RUNX3: variants seen among roughly 807,000 people sequenced by gnomAD.
The protein encoded by RUNX3 is runt-related transcription factor 3.
Under a neutral mutation model 27.7 loss-of-function variants are expected in RUNX3, and 10 were observed. The observed-to-expected ratio is 0.36, with a 90% CI of 0.22 to 0.61. RUNX3 has a LOEUF of 0.61. Among genes scored for constraint, RUNX3 ranks in the 20% least tolerant of loss-of-function variants. The pLI, the probability that RUNX3 is intolerant of heterozygous loss-of-function variation, is 0.72. For missense variants in RUNX3, 469 were observed against 629.5 expected, an observed-to-expected ratio of 0.75 and a Z score of 2.73; for synonymous variants, 270 against 269.2, an observed-to-expected ratio of 1.00 and a Z score of -0.03.
chr1:24,956,996 C>G (rs546747065), intron 2 of RUNX3, among the ~76,000 whole-genome samples: 11 of 152,330 alleles, frequency 7.2e-5, no homozygotes, highest in South Asian at 6.2e-4. Flanking sequence ...AGCTCCCCCC[C>G]ACAGGGACTG....
At chr1:24,955,832 A>G (rs1221356511) in intron 2 of RUNX3, among the ~76,000 whole-genome samples, 5 of 152,360 alleles carry the variant, frequency 3.3e-5, no homozygotes, top group African/African-American at 1.2e-4. Flanking sequence ...GGGAGAAGGC[A>G]TCTTTGTCCA....
chr1:24,956,491 A>T (rs921145744), intron 2 of RUNX3, among the ~76,000 whole-genome samples: 1 of 152,168 alleles, frequency 6.6e-6, no homozygotes, highest in African/African-American at 2.4e-5. Context: ...GGGAAGGGAT[A>T]TAGCTGCTCT....
chr1:24,925,365 C>T (rs531487379), intron 2 of RUNX3, among the ~76,000 whole-genome samples: 14 of 151,740 alleles, frequency 9.2e-5, no homozygotes, highest in South Asian at 4.2e-4. Context: ...TGGCTGTCAC[C>T]GCTCAAAGGG....
chr1:24,949,276 G>C (rs1340435827), intron 2 of RUNX3, among the ~76,000 whole-genome samples: 1 of 152,046 alleles, frequency 6.6e-6, no homozygotes, highest in Non-Finnish European at 1.5e-5. Context: ...TCCCCCTCAG[G>C]GTGTAAGAAG....
In RUNX3 at chr1:24,901,926, T is replaced by G; in HGVS notation, c.*196A>C. On this transcript the variant is annotated 3_prime_UTR_variant, in exon 5 of 5. Coordinates refer to ENST00000308873, the MANE Select transcript of RUNX3 (RefSeq NM_004350.3). ...GCAGTATCCCGGGCCGGGGTGGGGGTGGTAACCTATGCCTCTGTACAAGGA... is the reference window on the plus strand; with the variant it reads ...GCAGTATCCCGGGCCGGGGTGGGGGGGGTAACCTATGCCTCTGTACAAGGA... The G allele has an allele frequency of 5.8e-6, 3 of 516,404 alleles. No homozygotes were observed. Among genetic ancestry groups the G allele is most frequent in the South Asian group, 3.5e-5 (1 of 28,730 alleles). The allele number at this position is 516,404 out of a possible 1,614,324, so 32.0% of individuals were successfully genotyped here.
rs199604925 is a variant in RUNX3, at chr1:24,927,572, A to T, written c.439+2T>A. The stretch of plus-strand genomic sequence containing the variant: ...AAATGGCGAGGCCTCCCTTCCACTT[A>T]CCTCGCCCACTGCGGCCCACGAAGC... On this transcript the variant is annotated splice_donor_variant, in intron 2 of 4. Coordinates refer to ENST00000308873, the MANE Select transcript of RUNX3 (RefSeq NM_004350.3). LOFTEE classifies it high-confidence loss of function. This position sits in a 1 kb window ranked among gnomAD's most constrained non-coding sequence, Gnocchi z 5.0. 1 of 1,613,608 alleles carries T rather than the reference A, an allele frequency of 6.2e-7. No individual in the cohort carries two copies. The highest frequency in any genetic ancestry group is 1.7e-5 in the Admixed American group (1 of 59,992).
At position 24,930,276 on chromosome 1, in the gene RUNX3, C is replaced by T. The variant is rs1242547582; in HGVS notation, c.-408G>A. 6.1e-6 allele frequency: 6 copies of T among 981,832 alleles called. No homozygotes were observed. The highest frequency in any genetic ancestry group is 5.3e-5 in the African/African-American group (3 of 57,012). 60.8% of individuals were successfully genotyped at this position (981,832 alleles called of 1,614,324 possible). A position where few individuals can be genotyped will look rare whatever the true frequency, so the allele number is the denominator to read the frequency against. ...GAACAAATCCTCCAGAATCAAGTGG[C>T]GGGGCCGCGGCCGCCCGCGCGGGGT... On this transcript the variant is annotated 5_prime_UTR_variant, in exon 1 of 5. Coordinates refer to ENST00000308873, the MANE Select transcript of RUNX3 (RefSeq NM_004350.3). The surrounding 1 kb of genome is among the most constrained non-coding windows in gnomAD (Gnocchi z 4.1).
At chr1:24,920,853 TCTGGG>T (rs1640984942) in intron 2 of RUNX3, among the ~76,000 whole-genome samples, 1 of 152,222 alleles carries the variant, frequency 6.6e-6, no homozygotes, top group African/African-American at 2.4e-5. Flanking sequence ...CTCTGATGTG[TCTGGG>T]AGTTTGGGGG....
At chr1:24,951,590 C>T (rs1402691491) in intron 2 of RUNX3, among the ~76,000 whole-genome samples, 1 of 152,192 alleles carries the variant, frequency 6.6e-6, no homozygotes, top group Non-Finnish European at 1.5e-5. Flanking sequence ...TCGCTCCAGC[C>T]TCTCTAGGTT....
rs1416238774 is a variant in RUNX3, at chr1:24,902,605, C to T, written c.765G>A (p.Leu255=). ...GGAAGCGGCTCTCCGTGAGGGTTGG[C>T]AGCGTGGGGAAGGAGCGGTCAAACT... is the stretch of plus-strand genomic sequence containing the variant. ...PRQFDRSFPT[L]PTLTESRFPD... is the part of the protein sequence containing the mutation. The change falls in exon 5 of 5, where the codon CTG becomes CTA. Residue 255 remains leucine, a synonymous_variant. Transcript: ENST00000308873. This position sits in a 1 kb window ranked among gnomAD's most constrained non-coding sequence, Gnocchi z 9.2. The T allele has an allele frequency of 7.1e-6, 11 of 1,544,238 alleles. No homozygotes were observed. In the Admixed American group the frequency reaches 1.9e-4, roughly 27 times the overall value.
intron 2 of RUNX3, among the ~76,000 whole-genome samples, chr1:24,940,934 TC>T (rs1382935382): frequency 6.6e-6 from 1 of 152,152 alleles, no homozygotes; most frequent in Non-Finnish European, 1.5e-5. Context: ...TATACATTCT[TC>T]TGTACATGTA....
chr1:24,951,143 T>C (rs528727489), intron 2 of RUNX3, among the ~76,000 whole-genome samples: 1 of 142,734 alleles, frequency 7.0e-6, no homozygotes, highest in South Asian at 2.2e-4. Context: ...GAGTTGGAGG[T>C]TGCAGTGAGC....
upstream of RUNX3, among the ~76,000 whole-genome samples, chr1:24,932,088 C>T (rs1280318358): frequency 6.6e-6 from 1 of 152,222 alleles, no homozygotes; most frequent in Non-Finnish European, 1.5e-5. Context: ...GGGACCATGA[C>T]CCGCTGTTTC....
Position 24,902,329 on chromosome 1 carries a change from G to A in RUNX3, c.1041C>T (p.Ala347=), listed in dbSNP as rs1020269964. ...AGCGGTCGCCCCCACTGCTGCTGCC[G>A]GCCACCATGGAGAACTGGTAGGAGC... ...SSGSYQFSMV[A]GSSSGGDRSP... is the part of the protein sequence containing the mutation. Residue 347 remains alanine, a synonymous_variant, in exon 5 of 5, where the codon GCC becomes GCT. Transcript: ENST00000308873. The surrounding 1 kb of genome is among the most constrained non-coding windows in gnomAD (Gnocchi z 9.2). 14 of 1,610,324 alleles carry A rather than the reference G, an allele frequency of 8.7e-6. No individual in the cohort carries two copies. The East Asian group carries it at 8.9e-5, about 10-fold the overall frequency.
At chr1:24,908,090 C>T (rs1260615849) in intron 3 of RUNX3, among the ~76,000 whole-genome samples, 4 of 151,462 alleles carry the variant, frequency 2.6e-5, no homozygotes, top group South Asian at 4.2e-4. Context: ...CTACGACACG[C>T]GGTGATCCGA....
intron 3 of RUNX3, among the ~76,000 whole-genome samples, chr1:24,917,856 C>T (rs1212158858): frequency 6.6e-6 from 1 of 152,166 alleles, no homozygotes; most frequent in Non-Finnish European, 1.5e-5. Context: ...CCTTGAGACT[C>T]CTGGAGTCAC....
intron 2 of RUNX3, among the ~76,000 whole-genome samples, chr1:24,921,985 C>T (rs1641008733): frequency 6.6e-6 from 1 of 152,156 alleles, no homozygotes; most frequent in Non-Finnish European, 1.5e-5. Context: ...AGGTCTTGCT[C>T]TGTCACCCAG....
Position 24,908,829 on chromosome 1 carries a change from G to T in RUNX3, c.545-1412C>A, listed in dbSNP as rs149839049. On this transcript the variant is annotated intron_variant, in intron 3 of 4. Transcript: ENST00000308873. ...AGAACAATGGGAGGTGGCCCCAGGA[G>T]GGGACTGCAGGCTTTTCCAGCCCTA... Among the ~76,000 whole-genome samples the T allele has an allele frequency of 6.1e-3, 931 of 152,272 alleles. 11 individuals are homozygous for T. The highest frequency in any genetic ancestry group is 0.021 in the African/African-American group (887 of 41,550).
chr1:24,952,326 A>T (rs182816795), intron 2 of RUNX3, among the ~76,000 whole-genome samples: 1 of 152,170 alleles, frequency 6.6e-6, no homozygotes, highest in African/African-American at 2.4e-5. Context: ...CAGATGCATC[A>T]TCTCACCCCA....
Sources: gnomAD v4.1 joint callset for allele counts (sites outside exome capture counted in the v4.1 genomes callset) on GRCh38, gnomAD v4.1.1 for gene constraint, Gnocchi (gnomAD v3.1) non-coding constraint, MANE v1.5 for transcripts, NCBI Gene and HGNC (gene_info 2026-07-23, HGNC 2026-07-21) for gene names.